The following SEL1L2 variants were observed in gnomAD, a reference collection of about 807,000 sequenced individuals.
SEL1L2 encodes SEL1L2 adaptor subunit of SYVN1 ubiquitin ligase.
A neutral mutation model predicts 98.8 loss-of-function variants in SEL1L2; 89 were observed. The observed-to-expected ratio is 0.90, with a 90% CI of 0.76 to 1.07. SEL1L2 has a LOEUF of 1.07. SEL1L2 is among the 50% of genes least tolerant of loss of function. The pLI, the probability that SEL1L2 is intolerant of heterozygous loss-of-function variation, is 0.00. For missense variants in SEL1L2, 788 were observed against 812.0 expected, an observed-to-expected ratio of 0.97 and a Z score of 0.36; for synonymous variants, 262 against 278.5, an observed-to-expected ratio of 0.94 and a Z score of 0.59.
At chr20:13,850,809 A>G (rs1988125074) in intron 18 of SEL1L2, among the ~76,000 whole-genome samples, 1 of 152,206 alleles carries the variant, frequency 6.6e-6, no homozygotes, top group Non-Finnish European at 1.5e-5. Flanking sequence ...CCGTGAGATA[A>G]TAAGCTTGTG....
chr20:13,850,271 G>C lies in SEL1L2; in HGVS notation c.1867C>G (p.Pro623Ala). The C allele has an allele frequency of 1.9e-6, 3 of 1,614,046 alleles. No individual in the cohort carries two copies. The highest frequency in any genetic ancestry group is 2.5e-6 in the Non-Finnish European group (3 of 1,179,930). Residue 623 changes from proline (P) to alanine (A), a missense_variant, in exon 19 of 20, where the codon CCA becomes GCA. Transcript: ENST00000284951. The part of the protein sequence containing the change: ...RLYDMAAQTS[P>A]DAHIPVLFAV... ...AAGAGCACAGGTATGTGGGCATCTG[G>C]ACTCGTTTGAGCAGCCATGTCGTAC...
At chr20:13,884,648 C>T (rs2046867601) in intron 10 of SEL1L2, among the ~76,000 whole-genome samples, 1 of 152,100 alleles carries the variant, frequency 6.6e-6, no homozygotes, top group Non-Finnish European at 1.5e-5. Context: ...GCTGAGATTA[C>T]AGGCACGTGC....
At chr20:13,918,088 G>C (rs973271657) in intron 4 of SEL1L2, among the ~76,000 whole-genome samples, 4 of 152,072 alleles carry the variant, frequency 2.6e-5, no homozygotes, top group African/African-American at 9.7e-5. Flanking sequence ...ACCGTGCTTG[G>C]CTAGGGCCCA....
chr20:13,947,725 G>A (rs1241768278), intron 2 of SEL1L2, among the ~76,000 whole-genome samples: 3 of 152,210 alleles, frequency 2.0e-5, no homozygotes, highest in Non-Finnish European at 4.4e-5. Flanking sequence ...GGGGCACTGT[G>A]GTTTCTGGCA....
At chr20:13,872,248 T>G (rs186804620) in intron 12 of SEL1L2, among the ~76,000 whole-genome samples, 2 of 152,088 alleles carry the variant, frequency 1.3e-5, no homozygotes, top group African/African-American at 4.8e-5. Context: ...TAATTAGCCT[T>G]GTTTAGATGT....
intron 1 of SEL1L2, among the ~76,000 whole-genome samples, chr20:13,988,144 T>C (rs1456165782): frequency 1.4e-5 from 2 of 146,318 alleles, no homozygotes; most frequent in African/African-American, 2.5e-5. Flanking sequence ...AATTAATTTG[T>C]GTATATGAGG....
chr20:13,849,306 C>G lies in SEL1L2; in HGVS notation c.*179G>C. ...AGCATCCCGCAAAGGGTTTTCTCTACTAAGCAGGAAGTCTGAAGTTGTTTC... is the reference window on the plus strand; with the variant it reads ...AGCATCCCGCAAAGGGTTTTCTCTAGTAAGCAGGAAGTCTGAAGTTGTTTC... On this transcript the variant is annotated 3_prime_UTR_variant, in exon 20 of 20. Transcript: ENST00000284951. 1 of 702,786 alleles carries G rather than the reference C, an allele frequency of 1.4e-6. No individual in the cohort carries two copies. The highest frequency in any genetic ancestry group is 3.4e-4 in the Middle Eastern group (1 of 2,940). 43.5% of individuals were successfully genotyped at this position (702,786 alleles called of 1,614,324 possible).
intron 1 of SEL1L2, among the ~76,000 whole-genome samples, chr20:13,986,677 C>T (rs1359305662): frequency 1.3e-5 from 2 of 152,106 alleles, no homozygotes; most frequent in Non-Finnish European, 2.9e-5. Context: ...TGGGTTGTTT[C>T]CACCTTTAAG....
chr20:13,929,315 T>C (rs1390969612), intron 3 of SEL1L2, among the ~76,000 whole-genome samples: 1 of 152,040 alleles, frequency 6.6e-6, no homozygotes, highest in African/African-American at 2.4e-5. Flanking sequence ...CTTAGTACTT[T>C]TAGATGAGGA....
rs978670622 is a variant in SEL1L2 at position 13,878,044 on chromosome 20, C to G, written c.958-456G>C. On this transcript the variant is annotated intron_variant, in intron 10 of 19. Coordinates refer to ENST00000284951, the MANE Select transcript of SEL1L2 (RefSeq NM_025229.2). ...CAGAGTAAGACCAGACACACTTGGCCGGCTGCTGAGATCAGGTCTTTATGC... is the reference window on the plus strand; with the variant it reads ...CAGAGTAAGACCAGACACACTTGGCGGGCTGCTGAGATCAGGTCTTTATGC... Among the ~76,000 whole-genome samples the G allele has an allele frequency of 7.2e-5, 11 of 152,246 alleles. No homozygotes were observed. In the East Asian group the frequency reaches 2.1e-3, roughly 29 times the overall value.
chr20:13,854,008 G>T (rs1262287896), intron 18 of SEL1L2, among the ~76,000 whole-genome samples: 1 of 152,044 alleles, frequency 6.6e-6, no homozygotes, highest in Non-Finnish European at 1.5e-5. Context: ...TGTGTTTTCT[G>T]TCCTGCCATA....
At chr20:13,961,017 G>A (rs2050752204) in intron 1 of SEL1L2, among the ~76,000 whole-genome samples, 1 of 152,180 alleles carries the variant, frequency 6.6e-6, no homozygotes, top group South Asian at 2.1e-4. Context: ...AGCTCTAACT[G>A]TAATTTATTA....
At chr20:13,948,815 G>A (rs906271463) in intron 2 of SEL1L2, among the ~76,000 whole-genome samples, 6 of 152,180 alleles carry the variant, frequency 3.9e-5, no homozygotes, top group African/African-American at 1.4e-4. Context: ...TGCCAAGGAA[G>A]AAGGCTTTAA....
At chr20:13,928,645 T>C (rs2048998424) in intron 3 of SEL1L2, among the ~76,000 whole-genome samples, 1 of 152,150 alleles carries the variant, frequency 6.6e-6, no homozygotes, top group Non-Finnish European at 1.5e-5. Context: ...AACAAGAACA[T>C]GGGTAAAAGA....
intron 1 of SEL1L2, among the ~76,000 whole-genome samples, chr20:13,970,025 C>CTTT (rs11380130): frequency 2.0e-4 from 28 of 141,336 alleles, no homozygotes; most frequent in Middle Eastern, 3.7e-3. Flanking sequence ...GCTCCATCCT[C>CTTT]TTTTTTTTTT....
At chr20:13,898,393 GGAGTATTAGAA>G (rs1438624085) in intron 5 of SEL1L2, among the ~76,000 whole-genome samples, 1 of 152,136 alleles carries the variant, frequency 6.6e-6, no homozygotes, top group Non-Finnish European at 1.5e-5. Flanking sequence ...GCTGAAAACA[GGAGTATTAGAA>G]GAGTCTACAT....
At chr20:13,919,217 G>A (rs955150145) in intron 3 of SEL1L2, 94 bp from the exon 4 acceptor site, 11 of 722,522 alleles carry the variant, frequency 1.5e-5, no homozygotes, top group Non-Finnish European at 2.0e-5. Context: ...GCATATTAGA[G>A]TTCTGTTCTA....
intron 5 of SEL1L2, among the ~76,000 whole-genome samples, chr20:13,909,754 T>A (rs1034220734): frequency 2.0e-5 from 3 of 151,986 alleles, no homozygotes; most frequent in African/African-American, 7.2e-5. Flanking sequence ...TCACCTGAGG[T>A]CAGGAGCTTG....
At chr20:13,939,692 G>A in intron 2 of SEL1L2, among the ~76,000 whole-genome samples, 1 of 97,096 alleles carries the variant, frequency 1.0e-5, no homozygotes, top group Non-Finnish European at 2.1e-5. Context: ...TTGAGACAGA[G>A]TTTTGTTCTT....
Sources: gnomAD v4.1 joint callset for allele counts (sites outside exome capture counted in the v4.1 genomes callset) on GRCh38, gnomAD v4.1.1 for gene constraint, MANE v1.5 for transcripts, NCBI Gene and HGNC (gene_info 2026-07-23, HGNC 2026-07-21) for gene names.